Variants in TENM2 observed in about 807,000 individuals in gnomAD.
TENM2 encodes the protein teneurin transmembrane protein 2, also known as teneurin-2.
In TENM2, 52 loss-of-function variants were observed where a neutral mutation model predicts 245.2. The ratio of observed to expected loss-of-function variants is 0.21; its 90% CI spans 0.17 to 0.27. The LOEUF is 0.27. TENM2 is among the 10% of genes least tolerant of loss of function. The pLI is 1.00. For synonymous variants in TENM2, 1,363 were observed against 1,438.9 expected (o/e 0.95, Z 1.19); for missense variants, 3,046 against 3,666.8 (o/e 0.83, Z 4.37).
the TENM2 span, among the ~76,000 whole-genome samples, chr5:167,098,328 A>G: frequency 5.3e-5 from 8 of 152,092 alleles, no homozygotes; most frequent in Admixed American, 5.2e-4. Flanking sequence ...TCTTGTTTCT[A>G]ATTGGATTTT....
At position 167,859,918 on chromosome 5, in the gene TENM2, G is replaced by A. The variant is rs1266458685; in HGVS notation, c.503-16068G>A. 4.5e-4 allele frequency among the ~76,000 whole-genome samples: 5 copies of A among 10,992 alleles called. 1 individual carries two copies. Among genetic ancestry groups the A allele is most frequent in the African/African-American group, 1.6e-3 (5 of 3,132 alleles). The allele number at this position is 10,992 out of a possible 152,430, so 7.2% of individuals were successfully genotyped here. ...CGTCCGGGAGGGAGGTGGGGGGGTC[G>A]GCCCCCCGCCCGGCCAGTCGCCCCG... On this transcript the variant is annotated intron_variant, in intron 2 of 28. Transcript: ENST00000518659.
At chr5:168,254,161 A>G (rs1039328912) in intron 27 of TENM2, among the ~76,000 whole-genome samples, 3 of 152,240 alleles carry the variant, frequency 2.0e-5, no homozygotes, top group African/African-American at 7.2e-5. Flanking sequence ...GGCGGTGGAT[A>G]ATCACACGCT....
intron 11 of TENM2, 130 bp downstream of exon 13, chr5:168,125,180 GT>G (rs1032193201): frequency 2.6e-6 from 2 of 777,114 alleles, no homozygotes; most frequent in Non-Finnish European, 4.1e-6. Flanking sequence ...ATCACATTGT[GT>G]CTTTCTCATT....
intron 2 of TENM2, among the ~76,000 whole-genome samples, chr5:167,742,322 A>G (rs1761232388): frequency 6.6e-6 from 1 of 151,944 alleles, no homozygotes; most frequent in Non-Finnish European, 1.5e-5. Flanking sequence ...TTTAAATTTG[A>G]ATGGAACCAC....
intron 2 of TENM2, among the ~76,000 whole-genome samples, chr5:167,782,706 C>A (rs1764282428): frequency 6.6e-6 from 1 of 152,154 alleles, no homozygotes; most frequent in South Asian, 2.1e-4. Context: ...GACAAAAAGT[C>A]CCCTTAGCTG....
At chr5:167,743,775 G>T (rs558032066) in intron 2 of TENM2, among the ~76,000 whole-genome samples, 23 of 152,232 alleles carry the variant, frequency 1.5e-4, no homozygotes, top group African/African-American at 5.5e-4. Flanking sequence ...AGAAACCTTT[G>T]CTATTAAAAA....
chr5:167,541,780 A>G (rs1187034740), intron 2 of TENM2, among the ~76,000 whole-genome samples: 4 of 152,212 alleles, frequency 2.6e-5, no homozygotes, highest in Non-Finnish European at 5.9e-5. Context: ...AATGTGCATT[A>G]GGAAAATATT....
intron 2 of TENM2, among the ~76,000 whole-genome samples, chr5:167,659,629 C>G (rs17068921): frequency 0.034 from 5,212 of 152,258 alleles, 294 homozygotes; most frequent in African/African-American, 0.12. Flanking sequence ...TTCAAATAAT[C>G]TGTGCATCCA....
chr5:168,097,601 T>C (rs1418596734), intron 8 of TENM2, among the ~76,000 whole-genome samples: 1 of 54,490 alleles, frequency 1.8e-5, no homozygotes, highest in African/African-American at 9.9e-5. Context: ...ATTGTGTGTG[T>C]GCGTGTGTGT....
At chr5:167,398,434 ATT>A (rs796625197) in intron 2 of TENM2, among the ~76,000 whole-genome samples, 13 of 65,594 alleles carry the variant, frequency 2.0e-4, no homozygotes, top group African/African-American at 4.2e-4. Flanking sequence ...CTTTCTTACT[ATT>A]TTTTTTTTTT....
intron 2 of TENM2, among the ~76,000 whole-genome samples, chr5:167,557,628 G>A (rs954686628): frequency 6.6e-6 from 1 of 152,168 alleles, no homozygotes; most frequent in East Asian, 1.9e-4. Context: ...ATCCTAGCCT[G>A]AGACTGTACG....
chr5:167,067,569 T>A, the TENM2 span, among the ~76,000 whole-genome samples: 1 of 152,152 alleles, frequency 6.6e-6, no homozygotes, highest in African/African-American at 2.4e-5. Flanking sequence ...CTTTTTTGAA[T>A]GGAAGTGGTT....
intron 2 of TENM2, among the ~76,000 whole-genome samples, chr5:167,769,347 T>C (rs1397658983): frequency 6.6e-6 from 1 of 152,216 alleles, no homozygotes; most frequent in Non-Finnish European, 1.5e-5. Context: ...ATTTTATTTT[T>C]TATTGAATGT....
chr5:167,101,864 T>TATATAA, the TENM2 span, among the ~76,000 whole-genome samples: 28 of 126,310 alleles, frequency 2.2e-4, 3 homozygotes, highest in South Asian at 6.4e-3. Context: ...TATATATATA[T>TATATAA]ATATATATAT....
chr5:167,144,072 C>T, the TENM2 span, among the ~76,000 whole-genome samples: 2 of 152,030 alleles, frequency 1.3e-5, no homozygotes, highest in South Asian at 4.1e-4. Flanking sequence ...TAAACCCAAG[C>T]AGCTGTATTA....
chr5:167,289,140 A>G lies in TENM2; in HGVS notation c.226+4077A>G, dbSNP rs79284341. On this transcript the variant is annotated intron_variant, in intron 1 of 28. Transcript: ENST00000518659. ...TCTCTACCAACCACCACTGTAGGAA[A>G]ACGTTTCGACTGTAGGGATGTGTAC... Among the ~76,000 whole-genome samples, 1,119 of 152,292 alleles carry G rather than the reference A, an allele frequency of 7.3e-3. 18 individuals are homozygous for G. Among genetic ancestry groups the G allele is most frequent in the African/African-American group, 0.026 (1,076 of 41,554 alleles).
In TENM2 at chr5:168,108,410, GT is replaced by G. The variant is rs988621536; in HGVS notation, c.1814-9878del. On this transcript the variant is annotated intron_variant, in intron 9 of 28. Transcript: ENST00000518659. ...AATTACTTAACCCCTCTGAGCCTCG[GT>G]TTTCTCATCTGTAAAATGGAGACAA... 3.9e-5 allele frequency among the ~76,000 whole-genome samples: 6 copies of G among 152,044 alleles called. 1 individual carries two copies. Among genetic ancestry groups the G allele is most frequent in the Non-Finnish European group, 8.8e-5 (6 of 68,012 alleles).
At chr5:167,602,720 A>T (rs1215491419) in intron 2 of TENM2, among the ~76,000 whole-genome samples, 2 of 152,244 alleles carry the variant, frequency 1.3e-5, no homozygotes, top group African/African-American at 2.4e-5. Flanking sequence ...ATACAGAGAA[A>T]GAAGGAGAAA....
chr5:167,635,425 T>C (rs77886409), intron 2 of TENM2, among the ~76,000 whole-genome samples: 1 of 152,132 alleles, frequency 6.6e-6, no homozygotes, highest in East Asian at 1.9e-4. Context: ...CTGAGAATGT[T>C]TTCCAGGGGT....
Sources: gnomAD v4.1 joint callset for allele counts (sites outside exome capture counted in the v4.1 genomes callset) on GRCh38, gnomAD v4.1.1 for gene constraint, MANE v1.5 for transcripts, NCBI Gene and HGNC (gene_info 2026-07-23, HGNC 2026-07-21) for gene names.